Variants in RIN1 observed in about 807,000 individuals in gnomAD.
RIN1 encodes ras inhibitor 1.
Under a neutral mutation model 64.9 loss-of-function variants are expected in RIN1, and 52 were observed. The ratio of observed to expected loss-of-function variants is 0.80; its 90% CI spans 0.64 to 1.01. The LOEUF is 1.01. Among genes scored for constraint, RIN1 ranks in the 50% least tolerant of loss-of-function variants. The probability of loss-of-function intolerance (pLI) is 0.00; values close to 1 mark genes in which losing one functional copy is unlikely to be tolerated. For synonymous variants in RIN1, 486 were observed against 483.6 expected (o/e 1.00, Z -0.06); for missense variants, 1,040 against 1,064.5 (o/e 0.98, Z 0.32).
Position 66,336,122 on chromosome 11 carries a change from G to A in RIN1, c.123C>T (p.Ala41=), listed in dbSNP as rs1274029760. 3 of 1,441,132 alleles carry A rather than the reference G, an allele frequency of 2.1e-6. No homozygotes were observed. The highest frequency in any genetic ancestry group is 2.9e-5 in the African/African-American group (2 of 69,646). The allele number at this position is 1,441,132 out of a possible 1,614,324, so 89.3% of individuals were successfully genotyped here. The part of the protein sequence containing the change: ...AQDPLYDVPN[A]SGGQAGGPQR... ...GCGGCCCGCCTGCCTGCCCGCCGCT[G>A]GCATTGGGCACGTCATACAGTGGGT... Residue 41 remains alanine, a synonymous_variant, in exon 2 of 10, where the codon GCC becomes GCT. Coordinates refer to ENST00000311320, the MANE Select transcript of RIN1 (RefSeq NM_004292.3).
chr11:66,335,267 C>G lies in RIN1; in HGVS notation c.548-16G>C. On this transcript the variant is annotated splice_polypyrimidine_tract_variant and intron_variant, in intron 5 of 9. Coordinates refer to ENST00000311320, the MANE Select transcript of RIN1 (RefSeq NM_004292.3). ...CTCCAGAACTCTAGGGAACAAGAAA[C>G]CGACTGGGGCCTCCGGGACTGGTTA... 1 of 1,566,488 alleles carries G rather than the reference C, an allele frequency of 6.4e-7. No homozygotes were observed. Among genetic ancestry groups the G allele is most frequent in the Non-Finnish European group, 8.6e-7 (1 of 1,165,188 alleles).
chr11:66,334,400 T>C, intron 6 of RIN1, 114 bp downstream of exon 6: 1 of 1,419,486 alleles, frequency 7.0e-7, no homozygotes, highest in East Asian at 2.4e-5. Flanking sequence ...CGAACAGTGG[T>C]AAGACAAGAT....
chr11:66,333,658 CCT>C lies in RIN1; in HGVS notation c.1592-2_1592-1del. ...GAACTCGTCGGCACCCGCGCCCTCC[CCT>C]GTGGGGACATGGTGAGAGGAAGAAG... On this transcript the variant is annotated splice_acceptor_variant, in intron 7 of 9. Coordinates refer to ENST00000311320, the MANE Select transcript of RIN1 (RefSeq NM_004292.3). LOFTEE classifies it high-confidence loss of function. 6.2e-7 allele frequency: 1 copy of C among 1,609,720 alleles called. No homozygotes were observed. The highest frequency in any genetic ancestry group is 8.5e-7 in the Non-Finnish European group (1 of 1,178,030).
chr11:66,336,340 A>G lies in RIN1; in HGVS notation c.63T>C (p.Thr21=). Residue 21 remains threonine, a synonymous_variant, in exon 1 of 10, where the codon ACT becomes ACC. Coordinates refer to ENST00000311320, the MANE Select transcript of RIN1 (RefSeq NM_004292.3). The part of the protein sequence containing the change: ...SPGAPSPSSF[T]TGHLAREKPA... ...ACTTTTCTCTCGCCAGGTGCCCAGT[A>G]GTGAAGCTGGACGGGCTGGGGGCTC... The G allele has an allele frequency of 6.2e-7, 1 of 1,613,696 alleles. No individual in the cohort carries two copies.
rs1322233774 is a variant in RIN1, at chr11:66,335,020, G to A, written c.779C>T (p.Pro260Leu). The A allele has an allele frequency of 2.0e-6, 3 of 1,537,872 alleles. No individual in the cohort carries two copies. Among genetic ancestry groups the A allele is most frequent in the Non-Finnish European group, 2.6e-6 (3 of 1,144,456 alleles). Residue 260 changes from proline to leucine, a missense_variant, in exon 6 of 10, where the codon CCT (proline) becomes CTT (leucine). Transcript: ENST00000311320. ...STETSSPLSP[P>L]AVPPPPVPVL... ...GGGGACGGGGGGAGGTGGCACGGCA[G>A]GTGGAGACAGGGGGCTGGAGGTCTC...
rs530349130 is a variant in RIN1 at position 66,332,351 on chromosome 11, G to T, written c.2277C>A (p.Gly759=). The change falls in exon 10 of 10, where the codon GGC becomes GGA. Residue 759 remains glycine (G), a synonymous_variant. Coordinates refer to ENST00000311320, the MANE Select transcript of RIN1 (RefSeq NM_004292.3). ...REQSETTAEG[G]QGQAQEGPAQ... ...CAGGGCCTTCCTGGGCTTGACCCTGGCCCCCTTCAGCAGTTGTCTCAGACT... is the reference window on the plus strand; with the variant it reads ...CAGGGCCTTCCTGGGCTTGACCCTGTCCCCCTTCAGCAGTTGTCTCAGACT... The T allele has an allele frequency of 7.4e-6, 12 of 1,614,112 alleles. No homozygotes were observed. The highest frequency in any genetic ancestry group is 9.3e-6 in the Non-Finnish European group (11 of 1,180,014).
chr11:66,335,910 C>A, intron 2 of RIN1, 34 bp from the exon 3 acceptor site: 1 of 1,515,986 alleles, frequency 6.6e-7, no homozygotes, highest in South Asian at 1.3e-5. Flanking sequence ...AGCTCAGGAC[C>A]TTGGCGTCCC....
chr11:66,335,478 A>T lies in RIN1; in HGVS notation c.476T>A (p.Leu159Gln). 1 of 1,613,782 alleles carries T rather than the reference A, an allele frequency of 6.2e-7. No individual in the cohort carries two copies. Among genetic ancestry groups the T allele is most frequent in the Non-Finnish European group, 8.5e-7 (1 of 1,179,758 alleles). Residue 159 changes from leucine (L) to glutamine (Q), a missense_variant, in exon 5 of 10, where the codon CTG (leucine) becomes CAG (glutamine). Leu to Gln is a moderately radical substitution (Grantham distance 113). Transcript: ENST00000311320. The stretch of plus-strand genomic sequence containing the variant: ...GTGGTGGATGGCTCTGGGGAGCTGC[A>T]GCGGGAGGAGAAGGATGTCCCTGAG... ...CHTRDILLLP[L>Q]QLPRAIHHAA...
intron 9 of RIN1, 35 bp downstream of exon 9, chr11:66,333,223 G>T (rs757706057): frequency 1.2e-6 from 2 of 1,604,434 alleles, no homozygotes; most frequent in Non-Finnish European, 1.7e-6. Context: ...CGGGGATGGC[G>T]TCTGGCTCTG....
Position 66,334,900 on chromosome 11 carries a change from C to T in RIN1, c.899G>A (p.Gly300Asp), listed in dbSNP as rs768340664. 1.3e-6 allele frequency: 2 copies of T among 1,577,482 alleles called. No homozygotes were observed. The highest frequency in any genetic ancestry group is 1.7e-6 in the Non-Finnish European group (2 of 1,161,344). The change falls in exon 6 of 10, where the codon GGC becomes GAC. Residue 300 changes from glycine (G) to aspartate (D), a missense_variant. Physicochemically the swap from Gly to Asp is moderately conservative, Grantham distance 94. Coordinates refer to ENST00000311320, the MANE Select transcript of RIN1 (RefSeq NM_004292.3). ...ESSVGYRVPA[G>D]SGPSLPPMPS... ...CATAGGCGGAAGGCTAGGGCCACTG[C>T]CTGCTGGCACGCGGTACCCCACTGA...
intron 9 of RIN1, 169 bp from the exon 10 acceptor site, chr11:66,332,921 G>A: frequency 1.6e-6 from 1 of 633,262 alleles, no homozygotes; most frequent in Non-Finnish European, 2.7e-6. Flanking sequence ...GTCGGCTTGT[G>A]GGCCACAGCC....
rs1854755168 is a variant in RIN1 at position 66,332,365 on chromosome 11, T to C, written c.2263A>G (p.Thr755Ala). The part of the protein sequence containing the change: ...PRDIREQSET[T>A]AEGGQGQAQE... Reference sequence around the variant, plus strand: ...GCTTGACCCTGGCCCCCTTCAGCAGTTGTCTCAGACTGTTCCCGAATGTCC... The same window carrying C: ...GCTTGACCCTGGCCCCCTTCAGCAGCTGTCTCAGACTGTTCCCGAATGTCC... Residue 755 changes from threonine (T) to alanine (A), a missense_variant, in exon 10 of 10, where the codon ACT becomes GCT. By Grantham distance (58) the Thr-to-Ala change is moderately conservative (BLOSUM62 0). Coordinates refer to ENST00000311320, the MANE Select transcript of RIN1 (RefSeq NM_004292.3). 1.2e-6 allele frequency: 2 copies of C among 1,614,164 alleles called. No individual in the cohort carries two copies. Among genetic ancestry groups the C allele is most frequent in the South Asian group, 2.2e-5 (2 of 91,080 alleles).
In RIN1 at chr11:66,336,420, C is replaced by T; in HGVS notation, c.-18G>A. 6.2e-7 allele frequency: 1 copy of T among 1,607,028 alleles called. No individual in the cohort carries two copies. The highest frequency in any genetic ancestry group is 1.1e-5 in the South Asian group (1 of 89,784). ...CTTTCCATGGCTGGGAGCTCCTTCG[C>T]TTCAGGAAGAGAATCCAGTCCCAAG... On this transcript the variant is annotated 5_prime_UTR_variant, in exon 1 of 10. Transcript: ENST00000311320.
At chr11:66,336,447 C>T (rs752463732), upstream of RIN1, 5 of 1,546,408 alleles carry the variant, frequency 3.2e-6, no homozygotes, top group South Asian at 4.6e-5. Flanking sequence ...AGTCCCAAGG[C>T]AAGGCACGCA....
At chr11:66,334,264 G>A (rs1336018985) in intron 6 of RIN1, 40 bp from the exon 7 acceptor site, 10 of 449,174 alleles carry the variant, frequency 2.2e-5, no homozygotes, top group African/African-American at 4.4e-5. Flanking sequence ...AAGACTGGGG[G>A]TATGGGGGGC....
Position 66,336,414 on chromosome 11 carries a change from CCTT to C in RIN1, c.-15_-13del. On this transcript the variant is annotated 5_prime_UTR_variant, in exon 1 of 10. Coordinates refer to ENST00000311320, the MANE Select transcript of RIN1 (RefSeq NM_004292.3). ...CCAGGGCTTTCCATGGCTGGGAGCT[CCTT>C]CGCTTCAGGAAGAGAATCCAGTCCC... The C allele has an allele frequency of 6.2e-7, 1 of 1,609,592 alleles. No individual in the cohort carries two copies. The highest frequency in any genetic ancestry group is 2.2e-5 in the East Asian group (1 of 44,754).
At chr11:66,334,491 G>A in intron 6 of RIN1, 23 bp downstream of exon 6, 3 of 1,592,158 alleles carry the variant, frequency 1.9e-6, no homozygotes, top group Non-Finnish European at 2.6e-6. Context: ...CAGTGCTGGA[G>A]CTATGGAGAG....
Position 66,334,679 on chromosome 11 carries a change from C to T in RIN1, c.1120G>A (p.Asp374Asn), listed in dbSNP as rs745661610. ...AGCTGGCCCGCGGCTGTGTGTCGGT[C>T]CTGCATCAGTGCTGCCGCAGCCCGG... ...VGRAAAALMQDRHTAAGQLVQ... is the reference protein window; with the variant it reads ...VGRAAAALMQNRHTAAGQLVQ... The change falls in exon 6 of 10, where the codon GAC becomes AAC. Residue 374 changes from aspartate to asparagine, a missense_variant. Physicochemically the swap from Asp to Asn is conservative, Grantham distance 23 (BLOSUM62 1). Transcript: ENST00000311320. 1.3e-6 allele frequency: 2 copies of T among 1,556,172 alleles called. No individual in the cohort carries two copies. The highest frequency in any genetic ancestry group is 8.7e-7 in the Non-Finnish European group (1 of 1,152,182).
chr11:66,334,286 G>T (rs1362247665), intron 6 of RIN1, 62 bp from the exon 7 acceptor site: 8 of 1,338,948 alleles, frequency 6.0e-6, no homozygotes, highest in Non-Finnish European at 7.9e-6. Flanking sequence ...GAGGCAAGGG[G>T]AGAAGGGAGC....
Sources: allele counts gnomAD v4.1 joint callset, GRCh38; gene constraint gnomAD v4.1.1; transcripts MANE v1.5; gene names NCBI Gene and HGNC (gene_info 2026-07-23, HGNC 2026-07-21).